PRPS1: variants seen among roughly 807,000 people sequenced by gnomAD.
The protein encoded by PRPS1 is phosphoribosyl pyrophosphate synthetase 1.
Under a neutral mutation model 16.9 loss-of-function variants are expected in PRPS1, and 1 was observed. The observed-to-expected ratio is 0.06, with a 90% confidence interval of 0.02 to 0.28. PRPS1 has a LOEUF of 0.28. Among genes scored for constraint, PRPS1 ranks in the 10% least tolerant of loss-of-function variants. The pLI, the probability that PRPS1 is intolerant of heterozygous loss-of-function variation, is 1.00. For missense variants in PRPS1, 47 were observed against 254.0 expected, an observed-to-expected ratio of 0.19 and a Z score of 5.54; for synonymous variants, 70 against 90.2, an observed-to-expected ratio of 0.78 and a Z score of 1.27.
At chrX:107,641,549 G>A (rs1925573780) in intron 3 of PRPS1, among the ~76,000 whole-genome samples, 1 of 110,833 alleles carries the variant, frequency 9.0e-6, no homozygotes, top group African/African-American at 3.3e-5. Flanking sequence ...GTTGAGATGG[G>A]GTTTCACCAT....
intron 1 of PRPS1, among the ~76,000 whole-genome samples, chrX:107,638,932 G>A (rs959182934): frequency 2.8e-5 from 3 of 108,567 alleles, no homozygotes; most frequent in Non-Finnish European, 5.8e-5. Context: ...ACATGGTTTC[G>A]CCATGTTGGC....
In PRPS1 at chrX:107,628,555, C is replaced by T. The variant is rs1460653151; in HGVS notation, c.-74C>T. On this transcript the variant is annotated 5_prime_UTR_variant, in exon 1 of 7. Transcript: ENST00000372435. ...CAACGCAAAGCGCTTGGTATTGAGT[C>T]TGTGGCCGACTTCGGTTCCGGTCTC... 5 of 1,205,971 alleles carry T rather than the reference C, an allele frequency of 4.1e-6. No homozygotes were observed. The highest frequency in any genetic ancestry group is 5.6e-6 in the Non-Finnish European group (5 of 892,926).
At chrX:107,631,088 T>C (rs773302921) in intron 1 of PRPS1, among the ~76,000 whole-genome samples, 2 of 112,566 alleles carry the variant, frequency 1.8e-5, no homozygotes, top group South Asian at 7.3e-4. Flanking sequence ...CTCCCAGATA[T>C]TTGTGTAAGA....
chrX:107,642,190 C>T (rs753320904), intron 3 of PRPS1, among the ~76,000 whole-genome samples, 176 bp from the exon 4 acceptor site: 4 of 112,188 alleles, frequency 3.6e-5, no homozygotes, highest in Non-Finnish European at 7.5e-5. Context: ...TGGCTGGGCT[C>T]TCTCACATAG....
At chrX:107,638,540 G>A (rs1305023456) in intron 1 of PRPS1, among the ~76,000 whole-genome samples, 2 of 110,025 alleles carry the variant, frequency 1.8e-5, no homozygotes. Flanking sequence ...CATCACGCCC[G>A]GCCATATGAA....
intron 3 of PRPS1, 155 bp downstream of exon 3, chrX:107,641,155 A>G (rs1426118012): frequency 2.6e-6 from 3 of 1,164,137 alleles, no homozygotes; most frequent in East Asian, 3.2e-5. Flanking sequence ...AGCATACTTC[A>G]TGATCTTAGT....
chrX:107,640,203 G>C (rs376728633), intron 2 of PRPS1, among the ~76,000 whole-genome samples: 1 of 112,212 alleles, frequency 8.9e-6, no homozygotes, highest in East Asian at 2.8e-4. Flanking sequence ...TTATCCAGGC[G>C]TGGCGCTGCG....
In PRPS1 at chrX:107,650,624, A is replaced by G. The variant is rs1412430954; in HGVS notation, c.*592A>G. 3.3e-6 allele frequency: 1 copy of G among 306,844 alleles called. No homozygotes were observed. The highest frequency in any genetic ancestry group is 4.6e-5 in the East Asian group (1 of 21,629). The allele number at this position is 306,844 out of a possible 1,213,427, so 25.3% of individuals were successfully genotyped here. ...TTCTTGGGAGGAAGAAGCCTGATCC[A>G]TCACCATCTGCTTGACTATGTAGCT... On this transcript the variant is annotated 3_prime_UTR_variant, in exon 7 of 7. Coordinates refer to ENST00000372435, the MANE Select transcript of PRPS1 (RefSeq NM_002764.4).
intron 5 of PRPS1, among the ~76,000 whole-genome samples, chrX:107,645,723 G>A (rs748842918): frequency 9.0e-6 from 1 of 111,170 alleles, no homozygotes; most frequent in African/African-American, 3.3e-5. Flanking sequence ...GTTTTAATGA[G>A]TTAAAATAAA....
At chrX:107,636,714 G>C (rs1210956934) in intron 1 of PRPS1, 1 of 111,707 alleles carries the variant, frequency 9.0e-6, no homozygotes, top group East Asian at 2.8e-4. Context: ...CTTTCATCTT[G>C]GGTTAGAAAG....
intron 4 of PRPS1, among the ~76,000 whole-genome samples, chrX:107,644,064 G>A (rs776083678): frequency 3.6e-5 from 4 of 112,292 alleles, no homozygotes; most frequent in East Asian, 5.6e-4. Flanking sequence ...ATGGACAGAC[G>A]TGCCACTGGG....
chrX:107,650,568 G>A lies in PRPS1; in HGVS notation c.*536G>A. 1 of 225,149 alleles carries A rather than the reference G, an allele frequency of 4.4e-6. No homozygotes were observed. The highest frequency in any genetic ancestry group is 3.2e-5 in the African/African-American group (1 of 31,350). The allele number at this position is 225,149 out of a possible 1,213,427, so 18.6% of individuals were successfully genotyped here. A position where few individuals can be genotyped will look rare whatever the true frequency, so the allele number is the denominator to read the frequency against. ...ATTGGGTGGGGGGTGGGGGGTGGTT[G>A]AGGGGGGAGGCAGCACAGTGCAGCA... is the stretch of plus-strand genomic sequence containing the variant. On this transcript the variant is annotated 3_prime_UTR_variant, in exon 7 of 7. Coordinates refer to ENST00000372435, the MANE Select transcript of PRPS1 (RefSeq NM_002764.4).
At chrX:107,636,045 CGA>C (rs1443777616) in intron 1 of PRPS1, among the ~76,000 whole-genome samples, 1 of 81,263 alleles carries the variant, frequency 1.2e-5, no homozygotes, top group Non-Finnish European at 2.2e-5. Flanking sequence ...GGCGACAGAG[CGA>C]GACTGTCTCA....
At chrX:107,636,145 C>T (rs1450851754) in intron 1 of PRPS1, among the ~76,000 whole-genome samples, 3 of 108,953 alleles carry the variant, frequency 2.8e-5, no homozygotes, top group Non-Finnish European at 3.8e-5. Context: ...TGGTTTGAGA[C>T]GGAGTCCCGC....
intron 5 of PRPS1, among the ~76,000 whole-genome samples, chrX:107,646,483 TA>T (rs944623757): frequency 9.1e-6 from 1 of 110,143 alleles, no homozygotes; most frequent in Non-Finnish European, 1.9e-5. Flanking sequence ...TAATAGGTGC[TA>T]AAAAAAAATT....
chrX:107,629,440 C>CA (rs1925261556), intron 1 of PRPS1, among the ~76,000 whole-genome samples: 1 of 111,629 alleles, frequency 9.0e-6, no homozygotes, highest in Admixed American at 9.6e-5. Context: ...TTGAGCCATC[C>CA]AAAAAATCTT....
At chrX:107,639,152 A>G (rs2147681303) in intron 1 of PRPS1, 143 bp from the exon 2 acceptor site, 3 of 631,806 alleles carry the variant, frequency 4.7e-6, no homozygotes, top group Admixed American at 2.7e-5. Flanking sequence ...AAATCTGTAC[A>G]TGTTCAATAC....
At chrX:107,638,626 A>G (rs1925499004) in intron 1 of PRPS1, among the ~76,000 whole-genome samples, 1 of 111,206 alleles carries the variant, frequency 9.0e-6, no homozygotes, top group South Asian at 3.8e-4. Context: ...TCACTGTATT[A>G]CCCAGGCTGG....
chrX:107,643,022 A>G (rs1925611782), intron 4 of PRPS1, among the ~76,000 whole-genome samples: 1 of 112,463 alleles, frequency 8.9e-6, no homozygotes, highest in South Asian at 3.7e-4. Flanking sequence ...TGCAGCTCAC[A>G]TGGTGCAGAC....
Sources: allele counts gnomAD v4.1 joint callset (sites outside exome capture counted in the v4.1 genomes callset), GRCh38; gene constraint gnomAD v4.1.1; transcripts MANE v1.5; gene names NCBI Gene and HGNC (gene_info 2026-07-23, HGNC 2026-07-21).